Variants in CTNND2 observed in about 807,000 individuals in gnomAD.
The protein encoded by CTNND2 is catenin delta-2.
CTNND2 carries 22 observed loss-of-function variants against 144.4 expected under a neutral mutation model. The ratio of observed to expected loss-of-function variants is 0.15; its 90% CI spans 0.11 to 0.22. CTNND2 has a LOEUF of 0.22. CTNND2 is among the 10% of genes least tolerant of loss of function. The pLI, the probability that CTNND2 is intolerant of heterozygous loss-of-function variation, is 1.00. For missense variants in CTNND2, 1,353 were observed against 1,618.8 expected (o/e 0.84, Z 2.82); for synonymous variants, 751 against 695.6 (o/e 1.08, Z -1.25).
chr5:11,622,371 G>A (rs1225629551), intron 2 of CTNND2, among the ~76,000 whole-genome samples: 1 of 152,116 alleles, frequency 6.6e-6, no homozygotes, highest in Non-Finnish European at 1.5e-5. Context: ...AAACTAGCCA[G>A]CTTAATATTA....
chr5:11,548,146 T>C (rs938132695), intron 3 of CTNND2, among the ~76,000 whole-genome samples: 1 of 152,178 alleles, frequency 6.6e-6, no homozygotes, highest in Non-Finnish European at 1.5e-5. Flanking sequence ...AAAGAACACA[T>C]AACATATTTA....
intron 5 of CTNND2, among the ~76,000 whole-genome samples, chr5:11,398,554 G>A: frequency 6.6e-6 from 1 of 151,458 alleles, no homozygotes; most frequent in East Asian, 1.9e-4. Flanking sequence ...CAATTAACTA[G>A]TACAGTTATT....
chr5:11,614,008 G>C (rs904605262), intron 2 of CTNND2, among the ~76,000 whole-genome samples: 1 of 152,116 alleles, frequency 6.6e-6, no homozygotes, highest in Non-Finnish European at 1.5e-5. Context: ...ATGTAGTGAA[G>C]AGTAAAATGT....
intron 3 of CTNND2, among the ~76,000 whole-genome samples, chr5:11,417,882 T>C (rs932906564): frequency 4.6e-5 from 7 of 152,190 alleles, no homozygotes; most frequent in African/African-American, 1.7e-4. Context: ...AGCAAGACAA[T>C]GGAAACAGCC....
chr5:11,137,238 C>G (rs1456333680), intron 12 of CTNND2, among the ~76,000 whole-genome samples: 1 of 152,148 alleles, frequency 6.6e-6, no homozygotes, highest in Non-Finnish European at 1.5e-5. Context: ...TAGTTCATTT[C>G]TTATTTATTA....
chr5:11,350,617 T>C (rs1172565182), intron 8 of CTNND2, among the ~76,000 whole-genome samples: 6 of 152,124 alleles, frequency 3.9e-5, no homozygotes, highest in Non-Finnish European at 8.8e-5. Context: ...CTGATGAAAA[T>C]TTCAAAATAT....
chr5:11,480,644 A>ATGTG (rs112150074), intron 3 of CTNND2, among the ~76,000 whole-genome samples: 3,329 of 138,096 alleles, frequency 0.024, 123 homozygotes, highest in African/African-American at 0.084. Flanking sequence ...GAAAATACAT[A>ATGTG]TATGTGTGTG....
chr5:11,852,134 T>C (rs894660451), intron 1 of CTNND2, among the ~76,000 whole-genome samples: 1 of 152,144 alleles, frequency 6.6e-6, no homozygotes, highest in Non-Finnish European at 1.5e-5. Flanking sequence ...AGCTTCCATC[T>C]GATATTTCCC....
chr5:11,883,510 C>G (rs1030903828), intron 1 of CTNND2, among the ~76,000 whole-genome samples: 3 of 152,126 alleles, frequency 2.0e-5, no homozygotes, highest in Admixed American at 1.3e-4. Context: ...AGGACATGAA[C>G]TCATCTTTTT....
chr5:11,841,958 T>C (rs77730446), intron 1 of CTNND2, among the ~76,000 whole-genome samples: 2,153 of 152,064 alleles, frequency 0.014, 50 homozygotes, highest in African/African-American at 0.05. Flanking sequence ...TCTCTTCTTT[T>C]TAATCTGATA....
intron 9 of CTNND2, among the ~76,000 whole-genome samples, chr5:11,323,359 C>CT (rs1242304602): frequency 1.3e-5 from 2 of 151,950 alleles, no homozygotes; most frequent in East Asian, 3.9e-4. Flanking sequence ...GTATTTCTGA[C>CT]TTTTTTCCCA....
At chr5:11,746,943 G>C (rs12653343) in intron 1 of CTNND2, among the ~76,000 whole-genome samples, 1 of 152,162 alleles carries the variant, frequency 6.6e-6, no homozygotes, top group African/African-American at 2.4e-5. Flanking sequence ...TAAGTATATA[G>C]CTATAAAAAT....
intron 9 of CTNND2, among the ~76,000 whole-genome samples, chr5:11,328,326 T>C (rs1295002604): frequency 6.6e-6 from 1 of 151,754 alleles, no homozygotes; most frequent in Admixed American, 6.6e-5. Context: ...AGTATCTCAT[T>C]CTGTTGCCCA....
intron 10 of CTNND2, among the ~76,000 whole-genome samples, chr5:11,227,199 T>C (rs1311037780): frequency 6.6e-6 from 1 of 152,258 alleles, no homozygotes; most frequent in East Asian, 1.9e-4. Flanking sequence ...CTTATTTATT[T>C]TGCAGCACAT....
At chr5:11,134,846 T>C (rs1359786497) in intron 12 of CTNND2, among the ~76,000 whole-genome samples, 1 of 152,244 alleles carries the variant, frequency 6.6e-6, no homozygotes, top group African/African-American at 2.4e-5. Flanking sequence ...AATTTCCTTT[T>C]ACTGCTTCAG....
At chr5:11,523,866 C>T (rs571822680) in intron 3 of CTNND2, among the ~76,000 whole-genome samples, 1 of 152,118 alleles carries the variant, frequency 6.6e-6, no homozygotes, top group African/African-American at 2.4e-5. Flanking sequence ...TGCTGTGAAG[C>T]GGGTGCAGGG....
At chr5:11,882,411 G>C (rs1736187062) in intron 1 of CTNND2, among the ~76,000 whole-genome samples, 1 of 152,018 alleles carries the variant, frequency 6.6e-6, no homozygotes, top group South Asian at 2.1e-4. Flanking sequence ...TATGCTGAGA[G>C]ACAGGGTTCT....
At chr5:11,288,539 G>C (rs1207457049) in intron 9 of CTNND2, among the ~76,000 whole-genome samples, 1 of 152,070 alleles carries the variant, frequency 6.6e-6, no homozygotes, top group Non-Finnish European at 1.5e-5. Flanking sequence ...CCGTGGGCTT[G>C]CTTGTCCACA....
At chr5:11,035,833 A>G (rs950493709) in intron 16 of CTNND2, among the ~76,000 whole-genome samples, 1 of 139,446 alleles carries the variant, frequency 7.2e-6, no homozygotes, top group African/African-American at 2.7e-5. Flanking sequence ...CTTGGTTTAT[A>G]ATGCCTGGAA....
Sources: gnomAD v4.1 joint callset for allele counts (sites outside exome capture counted in the v4.1 genomes callset) on GRCh38, gnomAD v4.1.1 for gene constraint, MANE v1.5 for transcripts, NCBI Gene and HGNC (gene_info 2026-07-23, HGNC 2026-07-21) for gene names.